Variants in ITGA6 observed in about 807,000 individuals in gnomAD.
The protein encoded by ITGA6 is integrin alpha-6.
Under a neutral mutation model 133.6 loss-of-function variants are expected in ITGA6, and 63 were observed. The ratio of observed to expected loss-of-function variants is 0.47; its 90% CI spans 0.38 to 0.58. The LOEUF (loss-of-function observed/expected upper bound fraction) is 0.58, where lower values mean the gene tolerates loss of function less well. Ranked by LOEUF, ITGA6 falls within the 20% of genes least tolerant of loss-of-function variation. The pLI, the probability that ITGA6 is intolerant of heterozygous loss-of-function variation, is 0.00. For missense variants in ITGA6, 1,068 were observed against 1,309.4 expected (o/e 0.82, Z 2.85); for synonymous variants, 434 against 482.0 (o/e 0.90, Z 1.30).
chr2:172,438,860 G>A (rs186045984), intron 1 of ITGA6, among the ~76,000 whole-genome samples: 5 of 151,974 alleles, frequency 3.3e-5, no homozygotes, highest in Admixed American at 1.3e-4. Flanking sequence ...TCCACAGGCC[G>A]CCATGAAGTA....
chr2:172,500,929 G>GA (rs1429375866), intron 24 of ITGA6, among the ~76,000 whole-genome samples: 1 of 152,144 alleles, frequency 6.6e-6, no homozygotes, highest in Non-Finnish European at 1.5e-5. Context: ...TGTACAAAGT[G>GA]AATCTAGGCT....
At chr2:172,496,360 A>G (rs1687128283) in intron 23 of ITGA6, among the ~76,000 whole-genome samples, 1 of 152,226 alleles carries the variant, frequency 6.6e-6, no homozygotes, top group South Asian at 2.1e-4. Context: ...GCCTGTTACC[A>G]TCAGTATAAT....
At chr2:172,433,497 AG>A (rs1208627489) in intron 1 of ITGA6, among the ~76,000 whole-genome samples, 2 of 152,118 alleles carry the variant, frequency 1.3e-5, no homozygotes, top group East Asian at 3.9e-4. Context: ...TAACCTTCCT[AG>A]GCCTTCCTGC....
intron 2 of ITGA6, 133 bp downstream of exon 2, chr2:172,465,796 T>A (rs758290809): frequency 9.6e-5 from 120 of 1,244,130 alleles, no homozygotes; most frequent in Non-Finnish European, 1.4e-4. Context: ...TTGACTGTTT[T>A]TTATTTGCCC....
chr2:172,489,956 C>T (rs1032119832), intron 20 of ITGA6: 2 of 327,704 alleles, frequency 6.1e-6, no homozygotes, highest in South Asian at 3.3e-5. Context: ...CTGGGGGATG[C>T]TCCTGGGGTA....
Position 172,427,659 on chromosome 2 carries a change from G to C in ITGA6, c.-130G>C. 1 of 1,320,756 alleles carries C rather than the reference G, an allele frequency of 7.6e-7. No individual in the cohort carries two copies. Among genetic ancestry groups the C allele is most frequent in the Non-Finnish European group, 9.6e-7 (1 of 1,038,098 alleles). 81.8% of individuals were successfully genotyped at this position (1,320,756 alleles called of 1,614,324 possible). On this transcript the variant is annotated 5_prime_UTR_variant, in exon 1 of 26. Transcript: ENST00000684293. Reference sequence around the variant, plus strand: ...GACGGAGAGCGCGACCCGTCCCGGGGGTGGGGCCGGGCGCAGCGGCGAGAG... The same window carrying C: ...GACGGAGAGCGCGACCCGTCCCGGGCGTGGGGCCGGGCGCAGCGGCGAGAG...
At position 172,474,451 on chromosome 2, in the gene ITGA6, C is replaced by T. The variant is rs540382840; in HGVS notation, c.986+186C>T. 5.9e-5 allele frequency among the ~76,000 whole-genome samples: 9 copies of T among 152,190 alleles called. No individual in the cohort carries two copies. The East Asian group carries it at 1.7e-3, about 29-fold the overall frequency. ...GACAGACATTCATATCCCTCCCCAGCGTATAGGATTATATTTTTGATTTTC... is the reference window on the plus strand; with the variant it reads ...GACAGACATTCATATCCCTCCCCAGTGTATAGGATTATATTTTTGATTTTC... On this transcript the variant is annotated intron_variant, in intron 6 of 25. Coordinates refer to ENST00000684293, the MANE Select transcript of ITGA6 (RefSeq NM_000210.4).
intron 17 of ITGA6, 21 bp downstream of exon 17, chr2:172,487,828 T>G (rs113705495): frequency 6.4e-7 from 1 of 1,555,884 alleles, no homozygotes; most frequent in Non-Finnish European, 8.9e-7. Flanking sequence ...CATCAACCTC[T>G]CCATTCAGAA....
intron 23 of ITGA6, among the ~76,000 whole-genome samples, chr2:172,497,497 GTC>G (rs1483585917): frequency 6.0e-5 from 7 of 117,442 alleles, no homozygotes; most frequent in African/African-American, 2.9e-4. Flanking sequence ...GTGAGACCCT[GTC>G]TCCAAAAAAA....
intron 1 of ITGA6, among the ~76,000 whole-genome samples, chr2:172,448,763 C>T (rs559349554): frequency 2.6e-5 from 4 of 152,334 alleles, no homozygotes; most frequent in Admixed American, 2.6e-4. Flanking sequence ...TTAGCTCACA[C>T]TTGCCCAACT....
At chr2:172,444,533 G>A (rs1659724094) in intron 1 of ITGA6, among the ~76,000 whole-genome samples, 1 of 151,834 alleles carries the variant, frequency 6.6e-6, no homozygotes, top group Admixed American at 6.6e-5. Flanking sequence ...TCGGATTTTG[G>A]ATTTTTAGAT....
At chr2:172,446,857 T>G (rs1247434521) in intron 1 of ITGA6, among the ~76,000 whole-genome samples, 3 of 152,214 alleles carry the variant, frequency 2.0e-5, no homozygotes, top group Admixed American at 6.5e-5. Flanking sequence ...CTTAGTGGTA[T>G]GAATTGCTTG....
rs746654330 is a variant in ITGA6, at chr2:172,487,630, T to C, written c.2244T>C (p.Asn748=). 9 of 1,613,628 alleles carry C rather than the reference T, an allele frequency of 5.6e-6. No homozygotes were observed. The highest frequency in any genetic ancestry group is 5.3e-5 in the African/African-American group (4 of 74,932). Residue 748 remains asparagine, a splice_region_variant and synonymous_variant, in exon 16 of 26, where the codon AAT becomes AAC. Transcript: ENST00000684293. Reference sequence around the variant, plus strand: ...GAAATCCTTTTAAAAGAAATTCAAATGTAGGTGATGCCTTCATATACTGTA... The same window carrying C: ...GAAATCCTTTTAAAAGAAATTCAAACGTAGGTGATGCCTTCATATACTGTA... The part of the protein sequence containing the change: ...ELGNPFKRNS[N]VTFYLVLSTT...
intron 1 of ITGA6, among the ~76,000 whole-genome samples, chr2:172,432,867 CAG>C (rs575711070): frequency 6.6e-4 from 101 of 152,308 alleles, no homozygotes; most frequent in South Asian, 5.4e-3. Flanking sequence ...AGCAACTTGA[CAG>C]GGGTGTGGGG....
At chr2:172,480,118 C>A in intron 11 of ITGA6, 67 bp downstream of exon 11, 1 of 962,830 alleles carries the variant, frequency 1.0e-6, no homozygotes, top group Non-Finnish European at 1.7e-6. Context: ...CTGCATAAAT[C>A]ACAGAAAAAT....
At chr2:172,480,985 C>G (rs569199692) in intron 11 of ITGA6, 42 of 152,260 alleles carry the variant, frequency 2.8e-4, no homozygotes, top group African/African-American at 9.1e-4. Flanking sequence ...GCTCCAGAGT[C>G]AAGGCCAGGG....
rs889346251 is a variant in ITGA6, at chr2:172,439,218, C to T, written c.182+11248C>T. Reference sequence around the variant, plus strand: ...GAGAGCCAAGGCTGTGCTTCCTGTTCCTGCTGGCCTGGTTGATTTGTCTTT... The same window carrying T: ...GAGAGCCAAGGCTGTGCTTCCTGTTTCTGCTGGCCTGGTTGATTTGTCTTT... On this transcript the variant is annotated intron_variant, in intron 1 of 25. Coordinates refer to ENST00000684293, the MANE Select transcript of ITGA6 (RefSeq NM_000210.4). Among the ~76,000 whole-genome samples, 23 of 151,810 alleles carry T rather than the reference C, an allele frequency of 1.5e-4. 1 individual carries two copies. Among genetic ancestry groups the T allele is most frequent in the Non-Finnish European group, 2.9e-4 (20 of 67,964 alleles).
rs1000430733 is a variant in ITGA6 at position 172,506,028 on chromosome 2, T to C, written c.*1960T>C. Reference sequence around the variant, plus strand: ...GTTCAACAAAGAAACAAAGATGTTATGGTGTTTAGATTTATGGTTGTTAAA... The same window carrying C: ...GTTCAACAAAGAAACAAAGATGTTACGGTGTTTAGATTTATGGTTGTTAAA... On this transcript the variant is annotated 3_prime_UTR_variant, in exon 26 of 26. Coordinates refer to ENST00000684293, the MANE Select transcript of ITGA6 (RefSeq NM_000210.4). 2.0e-5 allele frequency: 3 copies of C among 152,608 alleles called. No individual in the cohort carries two copies. Among genetic ancestry groups the C allele is most frequent in the Admixed American group, 2.0e-4 (3 of 15,274 alleles). The allele number at this position is 152,608 out of a possible 1,614,324, so 9.5% of individuals were successfully genotyped here.
intron 1 of ITGA6, among the ~76,000 whole-genome samples, chr2:172,445,001 T>C (rs1242109968): frequency 2.6e-5 from 4 of 152,072 alleles, no homozygotes; most frequent in East Asian, 1.9e-4. Flanking sequence ...AGAGTCTTGC[T>C]GTCACCCAGG....
Sources: gnomAD v4.1 joint callset for allele counts (sites outside exome capture counted in the v4.1 genomes callset) on GRCh38, gnomAD v4.1.1 for gene constraint, MANE v1.5 for transcripts, NCBI Gene and HGNC (gene_info 2026-07-23, HGNC 2026-07-21) for gene names.